The following FREM2 variants were observed in gnomAD, a reference collection of about 807,000 sequenced individuals.
The protein encoded by FREM2 is FRAS1-related extracellular matrix protein 2.
In FREM2, 119 loss-of-function variants were observed where a neutral mutation model predicts 219.9. The ratio of observed to expected loss-of-function variants is 0.54; its 90% CI spans 0.47 to 0.63. FREM2 has a LOEUF of 0.63. FREM2 is among the 30% of genes least tolerant of loss of function. The probability of loss-of-function intolerance (pLI) is 0.00; values close to 1 mark genes in which losing one functional copy is unlikely to be tolerated. For synonymous variants in FREM2, 1,562 were observed against 1,522.8 expected, an observed-to-expected ratio of 1.03 and a Z score of -0.60; for missense variants, 4,030 against 3,993.6, an observed-to-expected ratio of 1.01 and a Z score of -0.25.
Position 38,691,548 on chromosome 13 carries a change from A to G in FREM2, c.4204A>G (p.Ile1402Val), listed in dbSNP as rs1593345049. 2 of 1,614,180 alleles carry G rather than the reference A, an allele frequency of 1.2e-6. No individual in the cohort carries two copies. The highest frequency in any genetic ancestry group is 1.7e-6 in the Non-Finnish European group (2 of 1,180,044). Residue 1402 changes from isoleucine (I) to valine (V), a missense_variant, in exon 1 of 24, where the codon ATA becomes GTA. Around this residue, in one of 2 missense-constraint regions of FREM2, gnomAD observed 3,102 missense variants for 2,950.7 expected, o/e 1.05. Transcript: ENST00000280481. ...AATTAAATTTGATGTGACTGATGGAATAAATCCCCTCATAGATCGTTACTT... is the reference window on the plus strand; with the variant it reads ...AATTAAATTTGATGTGACTGATGGAGTAAATCCCCTCATAGATCGTTACTT... ...DLIKFDVTDG[I>V]NPLIDRYFYV...
chr13:38,759,088 A>G (rs370678331), intron 2 of FREM2, among the ~76,000 whole-genome samples: 2 of 152,170 alleles, frequency 1.3e-5, no homozygotes, highest in East Asian at 1.9e-4. Context: ...AGGTAATAAT[A>G]TTATTATCTT....
chr13:38,691,216 C>T lies in FREM2; in HGVS notation c.3872C>T (p.Thr1291Met), dbSNP rs192388331. ...LTDGKHSVEK[T>M]VLIIVIPVDD... ...GATGGGAAGCACTCTGTGGAAAAGA[C>T]GGTCCTCATTATAGTTATCCCTGTT... Residue 1291 changes from threonine (T) to methionine (M), a missense_variant, in exon 1 of 24, where the codon ACG becomes ATG. By Grantham distance (81) the Thr-to-Met change is moderately conservative. Transcript: ENST00000280481. The T allele has an allele frequency of 1.8e-5, 29 of 1,613,888 alleles. No individual in the cohort carries two copies. Among genetic ancestry groups the T allele is most frequent in the East Asian group, 1.8e-4 (8 of 44,866 alleles).
At chr13:38,856,030 C>T in intron 11 of FREM2, 96 bp from the exon 12 acceptor site, 1 of 837,480 alleles carries the variant, frequency 1.2e-6, no homozygotes, top group Non-Finnish European at 1.9e-6. Context: ...ATGTATTTCT[C>T]ATTGTAGGCC....
chr13:38,859,801 A>C (rs1392822325), intron 14 of FREM2, among the ~76,000 whole-genome samples: 1 of 151,964 alleles, frequency 6.6e-6, no homozygotes, highest in Non-Finnish European at 1.5e-5. Flanking sequence ...TGCCAGACAC[A>C]ATGCTTTGTG....
rs1201570968 is a variant in FREM2, at chr13:38,687,952, G to A, written c.608G>A (p.Arg203Gln). ...GGGACCAGCAATGCCCTGGACGCGC[G>A]GAGCCTGGAGTTCGCCTTCCAGCCC... is the stretch of plus-strand genomic sequence containing the variant. ...LLGTSNALDA[R>Q]SLEFAFQPET... The change falls in exon 1 of 24, where the codon CGG becomes CAG. Residue 203 changes from arginine to glutamine, a missense_variant. Arg to Gln is a conservative substitution (Grantham distance 43). This residue lies in a region of FREM2 where 3,102 missense variants were observed against 2,950.7 expected (regional missense o/e 1.05). Transcript: ENST00000280481. 1.2e-6 allele frequency: 2 copies of A among 1,609,242 alleles called. No individual in the cohort carries two copies. The highest frequency in any genetic ancestry group is 1.7e-6 in the Non-Finnish European group (2 of 1,177,530).
At position 38,876,274 on chromosome 13, in the gene FREM2, T is replaced by C; in HGVS notation, c.8436T>C (p.Thr2812=). The change falls in exon 20 of 24, where the codon ACT becomes ACC. Residue 2812 remains threonine (T), a synonymous_variant. Coordinates refer to ENST00000280481, the MANE Select transcript of FREM2 (RefSeq NM_207361.6). The part of the protein sequence containing the change: ...FAVRDYSGTY[T]VKLVPCTAPS... ...TACGTGACTACTCAGGGACCTATAC[T>C]GTGAAGCTGGTGCCATGCACTGCCC... is the stretch of plus-strand genomic sequence containing the variant. 1 of 1,614,152 alleles carries C rather than the reference T, an allele frequency of 6.2e-7. No homozygotes were observed.
chr13:38,777,779 G>A lies in FREM2; in HGVS notation c.5642-5291G>A, dbSNP rs976976698. 2.0e-5 allele frequency among the ~76,000 whole-genome samples: 3 copies of A among 152,206 alleles called. No individual in the cohort carries two copies. The South Asian group carries it at 6.2e-4, about 32-fold the overall frequency. On this transcript the variant is annotated intron_variant, in intron 4 of 23. Transcript: ENST00000280481. ...GAATGTTAACAGAAAAATCTATCAG[G>A]GAAGCCTTTCTTTGTCTCTGTGATA...
chr13:38,717,574 G>A (rs1871060955), intron 2 of FREM2, among the ~76,000 whole-genome samples: 1 of 150,872 alleles, frequency 6.6e-6, no homozygotes. Context: ...ACATCAACAT[G>A]CCCAGCTAAT....
chr13:38,840,102 C>T (rs745533960), intron 6 of FREM2, among the ~76,000 whole-genome samples: 15 of 152,184 alleles, frequency 9.9e-5, no homozygotes, highest in Non-Finnish European at 2.1e-4. Flanking sequence ...CCGAAGGAAT[C>T]TCCTGGTCTG....
At chr13:38,876,571 G>A (rs1407860380) in intron 20 of FREM2, among the ~76,000 whole-genome samples, 189 bp downstream of exon 20, 1 of 152,166 alleles carries the variant, frequency 6.6e-6, no homozygotes, top group African/African-American at 2.4e-5. Context: ...TCTGTTGTTA[G>A]TACAGGATGT....
At chr13:38,692,701 A>G (rs944590613) in intron 1 of FREM2, among the ~76,000 whole-genome samples, 184 bp downstream of exon 1, 2 of 152,174 alleles carry the variant, frequency 1.3e-5, no homozygotes, top group African/African-American at 4.8e-5. Flanking sequence ...CTCCCATCTC[A>G]GTGGCCTTCA....
At position 38,881,524 on chromosome 13, in the gene FREM2, AGTAATGGTAG is replaced by A. The variant is rs1211180868; in HGVS notation, c.*738_*747del. The A allele has an allele frequency of 1.3e-5, 2 of 153,930 alleles. No homozygotes were observed. Among genetic ancestry groups the A allele is most frequent in the Non-Finnish European group, 2.9e-5 (2 of 68,970 alleles). The allele number at this position is 153,930 out of a possible 1,614,324, so 9.5% of individuals were successfully genotyped here. On this transcript the variant is annotated 3_prime_UTR_variant, in exon 24 of 24. Coordinates refer to ENST00000280481, the MANE Select transcript of FREM2 (RefSeq NM_207361.6). The stretch of plus-strand genomic sequence containing the variant: ...TGCTGCTCTGTTTTGGCATATAGTG[AGTAATGGTAG>A]AGCTCTTGCATGGTAATATACCTTA...
intron 2 of FREM2, among the ~76,000 whole-genome samples, chr13:38,700,494 T>G (rs1375595953): frequency 6.6e-6 from 1 of 152,104 alleles, no homozygotes; most frequent in African/African-American, 2.4e-5. Flanking sequence ...TCCACACACA[T>G]ACACAGATCC....
At chr13:38,709,602 C>A (rs1007948964) in intron 2 of FREM2, among the ~76,000 whole-genome samples, 1 of 151,794 alleles carries the variant, frequency 6.6e-6, no homozygotes, top group Non-Finnish European at 1.5e-5. Flanking sequence ...GGTATATATA[C>A]CTATGTTATA....
intron 1 of FREM2, among the ~76,000 whole-genome samples, chr13:38,696,163 G>A (rs1399194010): frequency 6.6e-6 from 1 of 152,172 alleles, no homozygotes; most frequent in African/African-American, 2.4e-5. Flanking sequence ...GAAGTGCTAA[G>A]GGAGAATCAA....
intron 6 of FREM2, among the ~76,000 whole-genome samples, chr13:38,809,805 C>T (rs1181308636): frequency 1.3e-5 from 2 of 152,022 alleles, no homozygotes; most frequent in African/African-American, 4.8e-5. Flanking sequence ...AAAGATTTAG[C>T]TATTCTGGGT....
chr13:38,848,670 T>C lies in FREM2; in HGVS notation c.6379T>C (p.Leu2127=). 1 of 1,608,670 alleles carries C rather than the reference T, an allele frequency of 6.2e-7. No individual in the cohort carries two copies. Among genetic ancestry groups the C allele is most frequent in the Non-Finnish European group, 8.5e-7 (1 of 1,175,342 alleles). ...TVSINDSVSD[L]PKMQFKERIY... ...GTCCATAAATGACTCTGTCTCCGAT[T>C]GTGAGTGTTTATTAATTTTATAATT... The change falls in exon 8 of 24, where the codon TTG becomes CTG. Residue 2127 remains leucine (L), a splice_region_variant and synonymous_variant. Transcript: ENST00000280481.
At position 38,884,378 on chromosome 13, in the gene FREM2, A is replaced by T. The variant is rs1200109395; in HGVS notation, c.*3591A>T. 3 of 152,120 alleles carry T rather than the reference A, an allele frequency of 2.0e-5. No homozygotes were observed. Among genetic ancestry groups the T allele is most frequent in the Non-Finnish European group, 2.9e-5 (2 of 68,004 alleles). 9.4% of individuals were successfully genotyped at this position (152,120 alleles called of 1,614,324 possible). A position where few individuals can be genotyped will look rare whatever the true frequency, so the allele number is the denominator to read the frequency against. On this transcript the variant is annotated 3_prime_UTR_variant, in exon 24 of 24. Coordinates refer to ENST00000280481, the MANE Select transcript of FREM2 (RefSeq NM_207361.6). The stretch of plus-strand genomic sequence containing the variant: ...AGAGTTAAAATATTCCCAGGTTAAA[A>T]TTTTTTTAAAGTACCAATAATAGAG...
chr13:38,714,295 C>T (rs1593360274), intron 2 of FREM2, among the ~76,000 whole-genome samples: 1 of 152,302 alleles, frequency 6.6e-6, no homozygotes, highest in South Asian at 2.1e-4. Flanking sequence ...GATATGACCA[C>T]AGGGCATGGG....
Sources: gnomAD v4.1 joint callset for allele counts (sites outside exome capture counted in the v4.1 genomes callset) on GRCh38, gnomAD v4.1.1 for gene constraint, gnomAD v4.1.1 regional missense constraint, MANE v1.5 for transcripts, NCBI Gene and HGNC (gene_info 2026-07-23, HGNC 2026-07-21) for gene names.